The following CNBD1 variants were observed in gnomAD, a reference collection of about 807,000 sequenced individuals.
CNBD1 encodes the protein cyclic nucleotide binding domain containing 1.
In CNBD1, 71 loss-of-function variants were observed where a neutral mutation model predicts 54.4. The observed-to-expected ratio is 1.30, with a 90% CI of 1.08 to 1.59. CNBD1 has a LOEUF of 1.59. Among genes scored for constraint, CNBD1 ranks in the 40% most tolerant of loss-of-function variants. CNBD1 has a pLI of 0.00. For missense variants in CNBD1, 659 were observed against 518.0 expected, an observed-to-expected ratio of 1.27 and a Z score of -2.64; for synonymous variants, 182 against 170.7, an observed-to-expected ratio of 1.07 and a Z score of -0.51.
intron 6 of CNBD1, among the ~76,000 whole-genome samples, chr8:87,280,301 C>G (rs961010327): frequency 2.6e-5 from 4 of 151,500 alleles, no homozygotes; most frequent in African/African-American, 9.7e-5. Context: ...TTTTTTCAAT[C>G]TGGAGCAGTG....
intron 4 of CNBD1, among the ~76,000 whole-genome samples, chr8:87,167,498 C>G (rs1289867996): frequency 6.6e-6 from 1 of 151,792 alleles, no homozygotes; most frequent in African/African-American, 2.4e-5. Context: ...CGCTCTGTCA[C>G]CCAGGCTCGA....
At chr8:87,031,455 A>T (rs1437047247) in intron 4 of CNBD1, among the ~76,000 whole-genome samples, 2 of 152,178 alleles carry the variant, frequency 1.3e-5, no homozygotes, top group South Asian at 4.1e-4. Flanking sequence ...CATTTTGATT[A>T]GTGGCTAGAA....
intron 5 of CNBD1, among the ~76,000 whole-genome samples, chr8:87,206,883 A>C (rs1426194363): frequency 1.3e-5 from 2 of 152,210 alleles, no homozygotes; most frequent in African/African-American, 4.8e-5. Flanking sequence ...TCTTGCTTAG[A>C]ATCGAGTTTC....
chr8:87,028,841 T>A (rs1321379256), intron 4 of CNBD1, among the ~76,000 whole-genome samples: 1 of 152,222 alleles, frequency 6.6e-6, no homozygotes, highest in African/African-American at 2.4e-5. Flanking sequence ...TTTCTGTTCA[T>A]CTACAAAAAC....
chr8:86,996,514 A>G (rs73271782), intron 4 of CNBD1, among the ~76,000 whole-genome samples: 3,357 of 152,344 alleles, frequency 0.022, 116 homozygotes, highest in African/African-American at 0.074. Context: ...ATATTTATAC[A>G]TCAATTATTT....
intron 4 of CNBD1, among the ~76,000 whole-genome samples, chr8:87,095,195 G>A (rs916647082): frequency 1.3e-5 from 2 of 152,150 alleles, no homozygotes; most frequent in Non-Finnish European, 2.9e-5. Context: ...TTTCTACAAA[G>A]TACAAAATGC....
chr8:87,286,021 GA>G (rs1808692632), intron 7 of CNBD1, among the ~76,000 whole-genome samples: 1 of 152,228 alleles, frequency 6.6e-6, no homozygotes, highest in Non-Finnish European at 1.5e-5. Flanking sequence ...GTGGTGTTGA[GA>G]AGACATCCAT....
intron 10 of CNBD1, among the ~76,000 whole-genome samples, chr8:87,370,048 G>A (rs189167703): frequency 2.0e-5 from 3 of 151,904 alleles, no homozygotes; most frequent in Admixed American, 1.3e-4. Context: ...CCCTACAAAG[G>A]ACATGAACTC....
chr8:87,240,838 T>A (rs1045750931), intron 6 of CNBD1, among the ~76,000 whole-genome samples: 4 of 152,070 alleles, frequency 2.6e-5, no homozygotes, highest in Non-Finnish European at 5.9e-5. Context: ...GAGGGCTTTT[T>A]AATACCGTAC....
At chr8:86,898,764 G>T (rs1037704459) in intron 2 of CNBD1, among the ~76,000 whole-genome samples, 3 of 152,086 alleles carry the variant, frequency 2.0e-5, no homozygotes, top group Admixed American at 1.3e-4. Context: ...GTTTGGTGAT[G>T]ACTTCTTAGG....
chr8:87,117,888 C>T (rs1026482455), intron 4 of CNBD1, among the ~76,000 whole-genome samples: 1 of 151,992 alleles, frequency 6.6e-6, no homozygotes, highest in Non-Finnish European at 1.5e-5. Context: ...TGAGGACCTA[C>T]CATGTAATAA....
chr8:86,912,545 G>A (rs1178949746), intron 3 of CNBD1, among the ~76,000 whole-genome samples: 1 of 152,072 alleles, frequency 6.6e-6, no homozygotes, highest in Non-Finnish European at 1.5e-5. Flanking sequence ...TTATGATGAT[G>A]TCAATGTAAA....
At chr8:87,140,707 G>A (rs925605220) in intron 4 of CNBD1, among the ~76,000 whole-genome samples, 1 of 152,064 alleles carries the variant, frequency 6.6e-6, no homozygotes, top group African/African-American at 2.4e-5. Flanking sequence ...TCAAGATTCA[G>A]TTAGAAGTAT....
At chr8:87,344,826 C>G (rs982892025) in intron 8 of CNBD1, among the ~76,000 whole-genome samples, 2 of 152,118 alleles carry the variant, frequency 1.3e-5, no homozygotes, top group African/African-American at 4.8e-5. Context: ...TGAAACAATG[C>G]TGCTTAAATA....
At chr8:87,184,666 G>T (rs537690269) in intron 4 of CNBD1, among the ~76,000 whole-genome samples, 2 of 152,220 alleles carry the variant, frequency 1.3e-5, no homozygotes, top group East Asian at 3.9e-4. Context: ...GAAGCCACTG[G>T]GGGCCAGGAA....
chr8:87,024,278 C>T (rs974524552), intron 4 of CNBD1, among the ~76,000 whole-genome samples: 1 of 149,048 alleles, frequency 6.7e-6, no homozygotes, highest in Non-Finnish European at 1.5e-5. Context: ...ATCCAGGAAT[C>T]ATTAGAGTTT....
At chr8:87,200,101 A>G (rs1228346381) in intron 4 of CNBD1, among the ~76,000 whole-genome samples, 2 of 152,200 alleles carry the variant, frequency 1.3e-5, no homozygotes, top group Admixed American at 6.5e-5. Flanking sequence ...ATACAGCCTC[A>G]GAGACCTGTG....
intron 8 of CNBD1, among the ~76,000 whole-genome samples, chr8:87,303,285 A>C (rs1809054938): frequency 6.6e-6 from 1 of 151,986 alleles, no homozygotes; most frequent in African/African-American, 2.4e-5. Flanking sequence ...GTACCAAAAC[A>C]GAGATATAGA....
chr8:87,030,858 TCCTCCCTCTCCTCCCCTCTCCTCCTTCC>T (rs1809768682), intron 4 of CNBD1, among the ~76,000 whole-genome samples: 1 of 43,880 alleles, frequency 2.3e-5, no homozygotes, highest in Non-Finnish European at 4.1e-5. Context: ...CTCCTCCCTC[TCCTCCCTCTCCTCCCCTCTCCTCCTTCC>T]CCTCCCCTCT....
Sources: gnomAD v4.1 joint callset for allele counts (sites outside exome capture counted in the v4.1 genomes callset) on GRCh38, gnomAD v4.1.1 for gene constraint, MANE v1.5 for transcripts, NCBI Gene and HGNC (gene_info 2026-07-23, HGNC 2026-07-21) for gene names.